The following GALNT1 variants were observed in gnomAD, a reference collection of about 807,000 sequenced individuals.
GALNT1 encodes the protein GalNAc transferase 1.
A neutral mutation model predicts 65.7 loss-of-function variants in GALNT1; 17 were observed. That is an observed-to-expected ratio of 0.26 (90% CI 0.18 to 0.39). The LOEUF (loss-of-function observed/expected upper bound fraction) is 0.39, where lower values mean the gene tolerates loss of function less well. Ranked by LOEUF, GALNT1 falls within the 10% of genes least tolerant of loss-of-function variation. GALNT1 has a pLI of 1.00. For synonymous variants in GALNT1, 210 were observed against 219.7 expected, an observed-to-expected ratio of 0.96 and a Z score of 0.39; for missense variants, 460 against 672.8, an observed-to-expected ratio of 0.68 and a Z score of 3.50.
intron 4 of GALNT1, among the ~76,000 whole-genome samples, chr18:35,678,040 C>A (rs2047735454): frequency 6.6e-6 from 1 of 151,504 alleles, no homozygotes; most frequent in African/African-American, 2.4e-5. Flanking sequence ...AGTGAAAAAA[C>A]TCTCATCATT....
intron 1 of GALNT1, among the ~76,000 whole-genome samples, chr18:35,628,238 G>C (rs1391450411): frequency 6.6e-6 from 1 of 152,170 alleles, no homozygotes; most frequent in Non-Finnish European, 1.5e-5. Context: ...CCAGCATGGA[G>C]TTTGAGATCT....
At chr18:35,649,445 G>A (rs1026727650) in intron 1 of GALNT1, among the ~76,000 whole-genome samples, 4 of 152,010 alleles carry the variant, frequency 2.6e-5, no homozygotes, top group Admixed American at 6.6e-5. Context: ...GATACTAGTC[G>A]TCTATCAGAT....
At chr18:35,643,822 A>G (rs989684119) in intron 1 of GALNT1, among the ~76,000 whole-genome samples, 4 of 151,896 alleles carry the variant, frequency 2.6e-5, no homozygotes, top group Middle Eastern at 3.4e-3. Flanking sequence ...AAAAAAACAC[A>G]TATCTACTAT....
chr18:35,707,614 A>G (rs1392738592), intron 11 of GALNT1, among the ~76,000 whole-genome samples: 1 of 152,232 alleles, frequency 6.6e-6, no homozygotes. Context: ...GCAATAACCT[A>G]TGTGTTTGTG....
At chr18:35,629,875 A>G (rs2046980654) in intron 1 of GALNT1, among the ~76,000 whole-genome samples, 1 of 152,228 alleles carries the variant, frequency 6.6e-6, no homozygotes, top group African/African-American at 2.4e-5. Context: ...CACCAAGCAA[A>G]TGGAAAACAA....
At chr18:35,686,652 G>T (rs1442305552) in intron 5 of GALNT1, among the ~76,000 whole-genome samples, 1 of 152,140 alleles carries the variant, frequency 6.6e-6, no homozygotes, top group African/African-American at 2.4e-5. Context: ...GTTATCCATA[G>T]AAGAAATAAA....
chr18:35,657,604 GA>G (rs2047411056), intron 2 of GALNT1, among the ~76,000 whole-genome samples: 1 of 152,200 alleles, frequency 6.6e-6, no homozygotes, highest in Admixed American at 6.5e-5. Context: ...AGTCAGAGTG[GA>G]ATGAAAAGCC....
rs117073023 is a variant in GALNT1 at position 35,647,636 on chromosome 18, T to A, written c.-103-6924T>A. ...CGAAGGTTCTCATATGTAATACCTC[T>A]GTCTGGTTAGTATGATGTAAAACTA... On this transcript the variant is annotated intron_variant, in intron 1 of 11. Coordinates refer to ENST00000269195, the MANE Select transcript of GALNT1 (RefSeq NM_020474.4). Among the ~76,000 whole-genome samples the A allele has an allele frequency of 4.5e-4, 69 of 152,292 alleles. No homozygotes were observed. The East Asian group carries it at 0.012, about 27-fold the overall frequency.
chr18:35,611,200 A>C (rs2046711762), intron 1 of GALNT1, among the ~76,000 whole-genome samples: 1 of 152,144 alleles, frequency 6.6e-6, no homozygotes, highest in East Asian at 1.9e-4. Context: ...GTTTTGGTTA[A>C]AGTGCATATG....
At chr18:35,630,019 T>A (rs1168371277) in intron 1 of GALNT1, among the ~76,000 whole-genome samples, 4 of 152,232 alleles carry the variant, frequency 2.6e-5, no homozygotes, top group African/African-American at 9.6e-5. Flanking sequence ...TAAATATATA[T>A]GCACCCAATA....
intron 1 of GALNT1, among the ~76,000 whole-genome samples, chr18:35,652,132 A>G (rs1237581902): frequency 6.6e-6 from 1 of 152,176 alleles, no homozygotes; most frequent in Non-Finnish European, 1.5e-5. Context: ...ATCTCAAAGA[A>G]ACATCTCAAA....
intron 1 of GALNT1, among the ~76,000 whole-genome samples, chr18:35,599,366 C>CCTTTTTTTTT (rs61028491): frequency 3.3e-5 from 4 of 122,758 alleles, no homozygotes; most frequent in African/African-American, 6.3e-5. Context: ...GAGATTTACA[C>CCTTTTTTTTT]TTTTTTTTTT....
chr18:35,599,218 C>T (rs1449061354), intron 1 of GALNT1, among the ~76,000 whole-genome samples: 1 of 151,944 alleles, frequency 6.6e-6, no homozygotes. Flanking sequence ...AGCTTTTTAG[C>T]TTGATGTGCT....
chr18:35,587,126 G>A (rs1057024183), intron 1 of GALNT1, among the ~76,000 whole-genome samples: 1 of 145,234 alleles, frequency 6.9e-6, no homozygotes, highest in Non-Finnish European at 1.5e-5. Context: ...TAATTGTAAC[G>A]GTATTTTTAA....
In GALNT1 at chr18:35,709,215, T is replaced by C. The variant is rs529009091; in HGVS notation, c.1534-409T>C. Among the ~76,000 whole-genome samples the C allele has an allele frequency of 3.3e-4, 50 of 152,312 alleles. 3 individuals carry two copies. The South Asian group carries it at 0.01, about 32-fold the overall frequency. On this transcript the variant is annotated intron_variant, in intron 11 of 11. Coordinates refer to ENST00000269195, the MANE Select transcript of GALNT1 (RefSeq NM_020474.4). ...CAATTTTGAAATAGCTGTTTGAAAA[T>C]AGGTTGAGGATCCTAAATTAGGAAC...
intron 1 of GALNT1, among the ~76,000 whole-genome samples, chr18:35,632,137 G>T (rs1241345): frequency 0.34 from 50,965 of 152,006 alleles, 9,347 homozygotes; most frequent in Middle Eastern, 0.52. Flanking sequence ...AAGTAATTTA[G>T]AGATTCAATG....
At chr18:35,590,327 C>T (rs1279164659) in intron 1 of GALNT1, among the ~76,000 whole-genome samples, 2 of 152,022 alleles carry the variant, frequency 1.3e-5, no homozygotes, top group Non-Finnish European at 2.9e-5. Flanking sequence ...TTAAATCCTT[C>T]GTTGTAATTT....
intron 1 of GALNT1, among the ~76,000 whole-genome samples, chr18:35,643,378 G>T (rs1453547732): frequency 6.6e-6 from 1 of 152,130 alleles, no homozygotes; most frequent in East Asian, 1.9e-4. Flanking sequence ...CCACTTTATA[G>T]TCACACCTGT....
At chr18:35,596,373 T>C (rs771546126) in intron 1 of GALNT1, 8 of 152,166 alleles carry the variant, frequency 5.3e-5, no homozygotes, top group Non-Finnish European at 1.0e-4. Context: ...GCTGGGTAAC[T>C]TTTATATTCT....
Sources: gnomAD v4.1 joint callset for allele counts (sites outside exome capture counted in the v4.1 genomes callset) on GRCh38, gnomAD v4.1.1 for gene constraint, MANE v1.5 for transcripts, NCBI Gene and HGNC (gene_info 2026-07-23, HGNC 2026-07-21) for gene names.